Variants in RMND1 observed in about 807,000 individuals in gnomAD.
RMND1 encodes required for meiotic nuclear division protein 1 homolog.
In RMND1, 41 loss-of-function variants were observed where a neutral mutation model predicts 54.0. The ratio of observed to expected loss-of-function variants is 0.76; its 90% CI spans 0.59 to 0.98. The LOEUF is 0.98. Ranked by LOEUF, RMND1 falls within the 50% of genes least tolerant of loss-of-function variation. The pLI is 0.00. For missense variants in RMND1, 457 were observed against 532.0 expected, an observed-to-expected ratio of 0.86 and a Z score of 1.39; for synonymous variants, 183 against 181.7, an observed-to-expected ratio of 1.01 and a Z score of -0.06.
Position 151,426,565 on chromosome 6 carries a change from A to G in RMND1, c.830+917T>C, listed in dbSNP as rs1780302505. 2.0e-5 allele frequency among the ~76,000 whole-genome samples: 3 copies of G among 152,240 alleles called. No homozygotes were observed. The South Asian group carries it at 6.2e-4, about 32-fold the overall frequency. ...ATAGGAAAAAACTGGATTAAGAGAA[A>G]AATTTACTGGAATAATTTGATAGGT... On this transcript the variant is annotated intron_variant, in intron 6 of 11. Transcript: ENST00000444024.
rs200789687 is a variant in RMND1 at position 151,445,656 on chromosome 6, C to G, written c.156G>C (p.Leu52Phe). 1.9e-6 allele frequency: 3 copies of G among 1,614,166 alleles called. No homozygotes were observed. The highest frequency in any genetic ancestry group is 1.3e-5 in the African/African-American group (1 of 75,042). ...STLTIRQSLD[L>F]FLPDKTASGL... ...CACTAGCTGTTTTATCAGGAAGGAA[C>G]AAATCCAAGCTTTGACGTATTGTCA... Residue 52 changes from leucine to phenylalanine, a missense_variant, in exon 2 of 12, where the codon TTG (leucine) becomes TTC (phenylalanine). By Grantham distance (22) the Leu-to-Phe change is conservative. Coordinates refer to ENST00000444024, the MANE Select transcript of RMND1 (RefSeq NM_017909.4).
chr6:151,405,663 C>T, intron 11 of RMND1, 57 bp downstream of exon 11: 1 of 800,432 alleles, frequency 1.2e-6, no homozygotes, highest in Non-Finnish European at 2.1e-6. Context: ...ATTAGCATAG[C>T]CCCTGTATTT....
chr6:151,431,009 G>A (rs1780434032), intron 4 of RMND1, among the ~76,000 whole-genome samples: 1 of 152,210 alleles, frequency 6.6e-6, no homozygotes, highest in East Asian at 1.9e-4. Context: ...AAAAGACTGG[G>A]ACTGACACTT....
intron 2 of RMND1, among the ~76,000 whole-genome samples, chr6:151,438,266 G>A (rs1239245797): frequency 6.6e-6 from 1 of 152,210 alleles, no homozygotes; most frequent in Non-Finnish European, 1.5e-5. Flanking sequence ...GAGACATCGG[G>A]TAGGCTCCAC....
At chr6:151,446,135 T>C (rs1780946290) in intron 1 of RMND1, 2 of 240,278 alleles carry the variant, frequency 8.3e-6, no homozygotes, top group South Asian at 6.2e-5. Flanking sequence ...TATAAAAATC[T>C]GTGCTGGCCA....
chr6:151,450,470 C>T (rs1582976151), intron 1 of RMND1, among the ~76,000 whole-genome samples: 1 of 119,776 alleles, frequency 8.3e-6, no homozygotes, highest in Non-Finnish European at 1.9e-5. Context: ...AGCCCCCGTC[C>T]GGGAGGAAGG....
chr6:151,436,019 C>T (rs1426040065), intron 3 of RMND1, among the ~76,000 whole-genome samples: 1 of 151,358 alleles, frequency 6.6e-6, no homozygotes, highest in East Asian at 2.0e-4. Flanking sequence ...GCAGGAAAAT[C>T]GCTTGAACCT....
chr6:151,412,815 T>G (rs1779890355), intron 10 of RMND1, among the ~76,000 whole-genome samples: 2 of 151,904 alleles, frequency 1.3e-5, no homozygotes, highest in African/African-American at 4.8e-5. Context: ...GCTACACACT[T>G]TTAAACAACC....
At chr6:151,429,407 C>T (rs921016070) in intron 5 of RMND1, among the ~76,000 whole-genome samples, 2 of 152,124 alleles carry the variant, frequency 1.3e-5, no homozygotes, top group African/African-American at 4.8e-5. Context: ...AGGCGTGAGC[C>T]ACCATGCCTG....
At chr6:151,423,765 A>AT in intron 6 of RMND1, 134 bp from the exon 7 acceptor site, 1 of 668,558 alleles carries the variant, frequency 1.5e-6, no homozygotes, top group East Asian at 2.7e-5. Flanking sequence ...ATGTTCTCAT[A>AT]TCCTTTGGTC....
At chr6:151,428,727 TCTCA>T (rs1187675946) in intron 5 of RMND1, among the ~76,000 whole-genome samples, 1 of 152,084 alleles carries the variant, frequency 6.6e-6, no homozygotes, top group Non-Finnish European at 1.5e-5. Context: ...AGAGATGGGA[TCTCA>T]CTGTGTTGTT....
intron 1 of RMND1, 78 bp from the exon 2 acceptor site, chr6:151,445,903 C>T: frequency 7.7e-7 from 1 of 1,298,676 alleles, no homozygotes; most frequent in South Asian, 1.6e-5. Flanking sequence ...AGGTAGCAGG[C>T]ATATTTCTGT....
intron 10 of RMND1, among the ~76,000 whole-genome samples, chr6:151,410,915 T>TA: frequency 6.6e-6 from 1 of 152,236 alleles, no homozygotes; most frequent in Non-Finnish European, 1.5e-5. Context: ...ATACTGCCTG[T>TA]AAATAAATTC....
At chr6:151,423,757 G>C (rs1457550512) in intron 6 of RMND1, 126 bp from the exon 7 acceptor site, 3 of 680,774 alleles carry the variant, frequency 4.4e-6, no homozygotes, top group African/African-American at 3.6e-5. Context: ...TGTTACAAAT[G>C]TTCTCATATC....
intron 2 of RMND1, among the ~76,000 whole-genome samples, chr6:151,442,551 C>T (rs1041227841): frequency 2.6e-5 from 4 of 152,178 alleles, no homozygotes; most frequent in African/African-American, 9.7e-5. Flanking sequence ...TGTTTAGTGA[C>T]AGGGCCTCAC....
chr6:151,405,267 C>T lies in RMND1; in HGVS notation c.1318G>A (p.Val440Ile). The T allele has an allele frequency of 1.9e-6, 3 of 1,612,310 alleles. No individual in the cohort carries two copies. Among genetic ancestry groups the T allele is most frequent in the East Asian group, 2.2e-5 (1 of 44,822 alleles). Reference protein sequence around the residue: ...WMIVILITIEVMFELGRVFF With the variant: ...WMIVILITIEIMFELGRVFF ...AATACTCGTCCCAGCTCAAACATTA[C>T]CTTAGAATAGAAAGTGAGAATTATT... is the stretch of plus-strand genomic sequence containing the variant. The change falls in exon 12 of 12, where the codon GTA becomes ATA. Residue 440 changes from valine to isoleucine, a missense_variant and splice_region_variant. Transcript: ENST00000444024.
chr6:151,432,335 G>C (rs6913515), intron 4 of RMND1, among the ~76,000 whole-genome samples: 77,754 of 151,956 alleles, frequency 0.51, 21,378 homozygotes, highest in East Asian at 0.74. Context: ...TACTCTACTT[G>C]AATTAAATGT....
At chr6:151,449,250 T>C (rs1041057429) in intron 1 of RMND1, among the ~76,000 whole-genome samples, 1 of 150,684 alleles carries the variant, frequency 6.6e-6, no homozygotes, top group Non-Finnish European at 1.5e-5. Context: ...GTGCCTGTAA[T>C]CCCAGTTACT....
At chr6:151,426,510 T>A (rs1780301152) in intron 6 of RMND1, among the ~76,000 whole-genome samples, 1 of 152,044 alleles carries the variant, frequency 6.6e-6, no homozygotes, top group Non-Finnish European at 1.5e-5. Context: ...TCACTATACT[T>A]CCTTTTCATA....
Sources: allele counts gnomAD v4.1 joint callset (sites outside exome capture counted in the v4.1 genomes callset), GRCh38; gene constraint gnomAD v4.1.1; transcripts MANE v1.5; gene names NCBI Gene and HGNC (gene_info 2026-07-23, HGNC 2026-07-21).